MEI1: variants seen among roughly 807,000 people sequenced by gnomAD.
The protein encoded by MEI1 is meiosis inhibitor protein 1.
Under a neutral mutation model 146.2 loss-of-function variants are expected in MEI1, and 103 were observed. That is an observed-to-expected ratio of 0.70 (90% CI 0.60 to 0.83). The LOEUF is 0.83. Ranked by LOEUF, MEI1 falls within the 40% of genes least tolerant of loss-of-function variation. The pLI is 0.00. For synonymous variants in MEI1, 652 were observed against 628.2 expected (o/e 1.04, Z -0.57); for missense variants, 1,529 against 1,533.0 (o/e 1.00, Z 0.04).
chr22:41,752,533 ACT>A (rs1419622551), intron 15 of MEI1, 56 bp from the exon 16 acceptor site: 9 of 1,464,460 alleles, frequency 6.1e-6, no homozygotes, highest in South Asian at 1.2e-5. Context: ...CAGGCTTGGG[ACT>A]CTCTGTGACA....
intron 1 of MEI1, among the ~76,000 whole-genome samples, chr22:41,701,782 A>G (rs1057472664): frequency 2.0e-5 from 3 of 152,216 alleles, no homozygotes; most frequent in Non-Finnish European, 4.4e-5. Flanking sequence ...TAGAGGAGGA[A>G]GCATTCAAAT....
intron 1 of MEI1, among the ~76,000 whole-genome samples, chr22:41,702,804 G>A (rs2068813616): frequency 6.6e-6 from 1 of 151,572 alleles, no homozygotes; most frequent in South Asian, 2.1e-4. Flanking sequence ...TGTCCCCCAG[G>A]CTGGAATGCA....
At chr22:41,750,192 G>A (rs2073654615) in intron 15 of MEI1, among the ~76,000 whole-genome samples, 1 of 152,168 alleles carries the variant, frequency 6.6e-6, no homozygotes, top group Non-Finnish European at 1.5e-5. Flanking sequence ...AGTTGAGGGT[G>A]TAAAATGAAA....
At chr22:41,724,320 C>CTA (rs2071122793) in intron 7 of MEI1, among the ~76,000 whole-genome samples, 1 of 152,108 alleles carries the variant, frequency 6.6e-6, no homozygotes, top group African/African-American at 2.4e-5. Context: ...AACCCTGTCT[C>CTA]TATAAAAAAT....
At chr22:41,732,214 C>T (rs766661964) in intron 9 of MEI1, 31 bp from the exon 10 acceptor site, 4 of 1,547,308 alleles carry the variant, frequency 2.6e-6, no homozygotes, top group Non-Finnish European at 3.5e-6. Flanking sequence ...GAGCACTGAT[C>T]CCTGGCCTCT....
At chr22:41,739,385 G>A (rs868063041) in intron 11 of MEI1, among the ~76,000 whole-genome samples, 2 of 151,966 alleles carry the variant, frequency 1.3e-5, no homozygotes, top group Non-Finnish European at 2.9e-5. Context: ...GAGTTCCTAC[G>A]TGGTTAGCAG....
intron 20 of MEI1, among the ~76,000 whole-genome samples, chr22:41,773,876 A>G (rs1308042543): frequency 6.6e-6 from 1 of 152,254 alleles, no homozygotes; most frequent in Non-Finnish European, 1.5e-5. Context: ...CTTCGTCTCA[A>G]AAACACAAAA....
At chr22:41,725,685 A>G (rs1368272404) in intron 7 of MEI1, among the ~76,000 whole-genome samples, 1 of 152,110 alleles carries the variant, frequency 6.6e-6, no homozygotes, top group Non-Finnish European at 1.5e-5. Context: ...TCCTCTGCCT[A>G]TAGGGCATTT....
intron 3 of MEI1, among the ~76,000 whole-genome samples, chr22:41,710,251 TCTG>T (rs1384095710): frequency 1.3e-5 from 2 of 152,092 alleles, no homozygotes; most frequent in Non-Finnish European, 2.9e-5. Flanking sequence ...AGAAACCAAA[TCTG>T]CTGACACTTT....
intron 7 of MEI1, among the ~76,000 whole-genome samples, chr22:41,727,337 A>G (rs1385443619): frequency 2.0e-5 from 3 of 152,202 alleles, no homozygotes; most frequent in Non-Finnish European, 2.9e-5. Flanking sequence ...CTGTGGTTGC[A>G]GTTAACGCTT....
At chr22:41,706,938 C>T (rs1273988156) in intron 3 of MEI1, among the ~76,000 whole-genome samples, 1 of 151,728 alleles carries the variant, frequency 6.6e-6, no homozygotes, top group East Asian at 1.9e-4. Flanking sequence ...CGCCTGTAAT[C>T]CCAGCACTTT....
Position 41,778,697 on chromosome 22 carries a change from G to A in MEI1, c.2711-11G>A. 6.3e-7 allele frequency: 1 copy of A among 1,589,350 alleles called. No homozygotes were observed. ...TCAGGCTTCTTGCCCAGTCCTCCTT[G>A]TTCTTCACAGCCTCGGGGAACCTAC... On this transcript the variant is annotated splice_polypyrimidine_tract_variant and intron_variant, in intron 21 of 30. Coordinates refer to ENST00000401548, the MANE Select transcript of MEI1 (RefSeq NM_152513.4).
intron 11 of MEI1, among the ~76,000 whole-genome samples, chr22:41,732,940 C>T (rs1467380037): frequency 1.3e-5 from 2 of 151,752 alleles, no homozygotes; most frequent in African/African-American, 4.8e-5. Context: ...ACCACCATGC[C>T]CAGCTAATTT....
chr22:41,713,813 G>C (rs2069837923), intron 3 of MEI1, among the ~76,000 whole-genome samples, 189 bp from the exon 4 acceptor site: 1 of 152,174 alleles, frequency 6.6e-6, no homozygotes, highest in Non-Finnish European at 1.5e-5. Context: ...CTCCCAAAGT[G>C]CTGGGATTAC....
intron 4 of MEI1, among the ~76,000 whole-genome samples, chr22:41,715,514 G>A (rs895945973): frequency 1.3e-5 from 2 of 151,430 alleles, no homozygotes; most frequent in African/African-American, 2.4e-5. Context: ...TCCTGCCTCA[G>A]CCTCCCGAGT....
rs553470570 is a variant in MEI1 at position 41,767,225 on chromosome 22, G to T, written c.2269-3461G>T. ...GGTATCTTTATGAAAAGGCTTCCTT[G>T]GTACCATTTACCTGTGAATGCCCTT... is the stretch of plus-strand genomic sequence containing the variant. On this transcript the variant is annotated intron_variant, in intron 19 of 30. Coordinates refer to ENST00000401548, the MANE Select transcript of MEI1 (RefSeq NM_152513.4). 6.6e-5 allele frequency among the ~76,000 whole-genome samples: 10 copies of T among 152,278 alleles called. No individual in the cohort carries two copies. The South Asian group carries it at 2.1e-3, about 32-fold the overall frequency.
intron 1 of MEI1, among the ~76,000 whole-genome samples, chr22:41,701,440 C>T (rs1309646395): frequency 6.6e-6 from 1 of 151,668 alleles, no homozygotes. Flanking sequence ...ACCAGCCTGG[C>T]CAACATGGAA....
At chr22:41,793,403 T>G (rs139557) in intron 26 of MEI1, among the ~76,000 whole-genome samples, 111,911 of 151,864 alleles carry the variant, frequency 0.74, 41,804 homozygotes, top group African/African-American at 0.84. Flanking sequence ...CCGGGTTCAA[T>G]CGATTCTCCT....
At chr22:41,701,330 A>G (rs2068712076) in intron 1 of MEI1, among the ~76,000 whole-genome samples, 1 of 152,086 alleles carries the variant, frequency 6.6e-6, no homozygotes, top group East Asian at 1.9e-4. Flanking sequence ...TTGTGGGAGA[A>G]TAAGAATGAG....
Sources: gnomAD v4.1 joint callset for allele counts (sites outside exome capture counted in the v4.1 genomes callset) on GRCh38, gnomAD v4.1.1 for gene constraint, MANE v1.5 for transcripts, NCBI Gene and HGNC (gene_info 2026-07-23, HGNC 2026-07-21) for gene names.